Variants in KCNH8 observed in about 807,000 individuals in gnomAD.
KCNH8 encodes voltage-gated delayed rectifier potassium channel KCNH8.
KCNH8 carries 70 observed loss-of-function variants against 103.6 expected under a neutral mutation model. The ratio of observed to expected loss-of-function variants is 0.68; its 90% confidence interval spans 0.56 to 0.82. The LOEUF is 0.82. Ranked by LOEUF, KCNH8 falls within the 40% of genes least tolerant of loss-of-function variation. KCNH8 has a pLI of 0.00. For missense variants in KCNH8, 1,217 were observed against 1,329.9 expected (o/e 0.92, Z 1.32); for synonymous variants, 498 against 489.4 (o/e 1.02, Z -0.23).
intron 5 of KCNH8, among the ~76,000 whole-genome samples, chr3:19,353,215 C>A (rs1416719980): frequency 2.6e-5 from 4 of 152,156 alleles, no homozygotes; most frequent in African/African-American, 4.8e-5. Flanking sequence ...AGACCAATAA[C>A]AGGCTATGAA....
At chr3:19,338,254 C>A (rs930822800) in intron 3 of KCNH8, among the ~76,000 whole-genome samples, 2 of 151,900 alleles carry the variant, frequency 1.3e-5, no homozygotes, top group African/African-American at 4.8e-5. Context: ...TCTGGACTTT[C>A]TTCAGTTCTT....
intron 1 of KCNH8, among the ~76,000 whole-genome samples, chr3:19,222,124 C>A (rs2063882383): frequency 6.6e-6 from 1 of 152,200 alleles, no homozygotes; most frequent in East Asian, 1.9e-4. Flanking sequence ...GCTGGGATTA[C>A]AGGCGTGAGC....
chr3:19,223,448 A>C (rs1386568141), intron 1 of KCNH8, among the ~76,000 whole-genome samples: 1 of 152,184 alleles, frequency 6.6e-6, no homozygotes, highest in African/African-American at 2.4e-5. Context: ...GGGACATATT[A>C]CATATTTTTT....
intron 1 of KCNH8, among the ~76,000 whole-genome samples, chr3:19,153,697 A>C (rs1264702038): frequency 7.5e-6 from 1 of 133,636 alleles, no homozygotes; most frequent in Non-Finnish European, 1.5e-5. Context: ...CAGTGGTGCG[A>C]TCTTGGCTCA....
chr3:19,195,170 A>C (rs113162273), intron 1 of KCNH8, among the ~76,000 whole-genome samples: 6,641 of 151,764 alleles, frequency 0.044, 520 homozygotes, highest in African/African-American at 0.15. Context: ...GCTTGCCAGG[A>C]GTCTCATAAC....
intron 8 of KCNH8, among the ~76,000 whole-genome samples, chr3:19,439,324 AT>A (rs897990313): frequency 9.2e-5 from 14 of 152,194 alleles, no homozygotes; most frequent in Non-Finnish European, 1.8e-4. Context: ...CATTAAGCAT[AT>A]TTTTTAAAGC....
intron 11 of KCNH8, among the ~76,000 whole-genome samples, chr3:19,480,252 G>A (rs1000915043): frequency 6.6e-6 from 1 of 152,156 alleles, no homozygotes; most frequent in African/African-American, 2.4e-5. Flanking sequence ...CAACTCCCTG[G>A]TGGTTCAGCC....
At chr3:19,416,021 C>A (rs1447460405) in intron 7 of KCNH8, among the ~76,000 whole-genome samples, 1 of 152,030 alleles carries the variant, frequency 6.6e-6, no homozygotes, top group African/African-American at 2.4e-5. Context: ...CATTAACTTG[C>A]AGGTTATCTT....
At chr3:19,281,458 C>T in intron 3 of KCNH8, 129 bp downstream of exon 3, 1 of 779,668 alleles carries the variant, frequency 1.3e-6, no homozygotes, top group East Asian at 2.9e-5. Context: ...TGTTAGCAGT[C>T]AGCATTTGGT....
At chr3:19,306,161 C>G (rs1215463103) in intron 3 of KCNH8, among the ~76,000 whole-genome samples, 1 of 151,964 alleles carries the variant, frequency 6.6e-6, no homozygotes, top group Non-Finnish European at 1.5e-5. Flanking sequence ...ATGTTCAGGT[C>G]AAATGAATAG....
At chr3:19,513,444 A>T in intron 13 of KCNH8, 119 bp downstream of exon 13, 1 of 1,366,488 alleles carries the variant, frequency 7.3e-7, no homozygotes, top group Non-Finnish European at 9.8e-7. Flanking sequence ...TGGAATCCTC[A>T]GCTTTTCTGA....
chr3:19,367,518 GCAATA>G (rs1429562412), intron 5 of KCNH8, among the ~76,000 whole-genome samples: 1 of 147,758 alleles, frequency 6.8e-6, no homozygotes, highest in Non-Finnish European at 1.5e-5. Flanking sequence ...CATGGACCAG[GCAATA>G]CATTTATTTT....
intron 3 of KCNH8, among the ~76,000 whole-genome samples, chr3:19,312,844 T>A (rs2065223561): frequency 6.6e-6 from 1 of 151,950 alleles, no homozygotes; most frequent in South Asian, 2.1e-4. Context: ...ACCACCATCT[T>A]GTGAAAAGAC....
intron 11 of KCNH8, among the ~76,000 whole-genome samples, chr3:19,503,630 G>T (rs1345375436): frequency 6.6e-6 from 1 of 152,070 alleles, no homozygotes; most frequent in Admixed American, 6.6e-5. Flanking sequence ...CCTTTGTAGG[G>T]ACATGGATTA....
chr3:19,168,143 G>A (rs2063303903), intron 1 of KCNH8, among the ~76,000 whole-genome samples: 1 of 151,838 alleles, frequency 6.6e-6, no homozygotes, highest in South Asian at 2.1e-4. Flanking sequence ...CCGAGTAGCT[G>A]GGATTACAGG....
At chr3:19,369,683 C>T (rs1017875793) in intron 5 of KCNH8, among the ~76,000 whole-genome samples, 4 of 151,936 alleles carry the variant, frequency 2.6e-5, no homozygotes, top group Non-Finnish European at 5.9e-5. Context: ...TAAACCACAA[C>T]CTGTTTCCTT....
Position 19,372,767 on chromosome 3 carries a change from T to G in KCNH8, c.812-17714T>G, listed in dbSNP as rs1442383438. On this transcript the variant is annotated intron_variant, in intron 5 of 15. Coordinates refer to ENST00000328405, the MANE Select transcript of KCNH8 (RefSeq NM_144633.3). ...GTGGGTTTGTCATAGATAGCTCTTATTATTTTGAAATATGTCCCATCAATA... is the reference window on the plus strand; with the variant it reads ...GTGGGTTTGTCATAGATAGCTCTTAGTATTTTGAAATATGTCCCATCAATA... Among the ~76,000 whole-genome samples, 7 of 152,206 alleles carry G rather than the reference T, an allele frequency of 4.6e-5. No individual in the cohort carries two copies. In the East Asian group the frequency reaches 1.2e-3, roughly 25 times the overall value.
chr3:19,333,204 TTTC>T (rs2065535059), intron 3 of KCNH8, among the ~76,000 whole-genome samples: 1 of 152,216 alleles, frequency 6.6e-6, no homozygotes, highest in Non-Finnish European at 1.5e-5. Context: ...ATTGTTTGGT[TTTC>T]TTATTGTTGA....
At chr3:19,264,730 C>T (rs1336605619) in intron 2 of KCNH8, among the ~76,000 whole-genome samples, 3 of 152,090 alleles carry the variant, frequency 2.0e-5, no homozygotes, top group South Asian at 2.1e-4. Context: ...ATTTACTGAG[C>T]GTTCACTGTG....
Sources: allele counts gnomAD v4.1 joint callset (sites outside exome capture counted in the v4.1 genomes callset), GRCh38; gene constraint gnomAD v4.1.1; transcripts MANE v1.5; gene names NCBI Gene and HGNC (gene_info 2026-07-23, HGNC 2026-07-21).